The following STMN2 variants were observed in gnomAD, a reference collection of about 807,000 sequenced individuals.
STMN2 encodes the protein stathmin-2.
In STMN2, 2 loss-of-function variants were observed where a neutral mutation model predicts 24.1. The ratio of observed to expected loss-of-function variants is 0.08; its 90% CI spans 0.03 to 0.26. The LOEUF is 0.26. Ranked by LOEUF, STMN2 falls within the 10% of genes least tolerant of loss-of-function variation. STMN2 has a pLI of 1.00. For synonymous variants in STMN2, 83 were observed against 77.5 expected (o/e 1.07, Z -0.37); for missense variants, 114 against 213.6 (o/e 0.53, Z 2.91).
intron 3 of STMN2, among the ~76,000 whole-genome samples, chr8:79,651,642 A>C (rs961454409): frequency 2.0e-5 from 3 of 152,262 alleles, no homozygotes; most frequent in African/African-American, 7.2e-5. Flanking sequence ...ATAAACATTA[A>C]GTTAAAACAC....
chr8:79,630,759 A>G (rs1809779525), intron 1 of STMN2, among the ~76,000 whole-genome samples: 1 of 152,178 alleles, frequency 6.6e-6, no homozygotes, highest in Non-Finnish European at 1.5e-5. Context: ...GGAAGAGCAA[A>G]GTCATTCTTA....
chr8:79,659,455 AT>A (rs1385539993), intron 4 of STMN2, among the ~76,000 whole-genome samples: 1 of 152,152 alleles, frequency 6.6e-6, no homozygotes, highest in East Asian at 1.9e-4. Flanking sequence ...GATTCAAGAC[AT>A]TTTCTTCCTC....
intron 3 of STMN2, among the ~76,000 whole-genome samples, chr8:79,648,577 C>T (rs1353389868): frequency 2.7e-5 from 4 of 150,572 alleles, no homozygotes; most frequent in African/African-American, 9.7e-5. Context: ...ATTCTCCTGC[C>T]TCAGTCTCCC....
chr8:79,646,454 CA>C (rs34837489), intron 3 of STMN2, among the ~76,000 whole-genome samples: 23 of 149,080 alleles, frequency 1.5e-4, no homozygotes, highest in South Asian at 4.2e-4. Flanking sequence ...ATTGGATAGT[CA>C]AAAAAAAACC....
rs1299245911 is a variant in STMN2, at chr8:79,654,079, A to G, written c.289-792A>G. The stretch of plus-strand genomic sequence containing the variant: ...GGCCTCACCAAAGAACCTTGGAATC[A>G]GAATCTTTGGAGGTAGATGCCAGGC... On this transcript the variant is annotated intron_variant, in intron 3 of 4. Coordinates refer to ENST00000220876, the MANE Select transcript of STMN2 (RefSeq NM_007029.4). Among the ~76,000 whole-genome samples the G allele has an allele frequency of 3.3e-5, 5 of 152,184 alleles. 1 individual carries two copies. Among genetic ancestry groups the G allele is most frequent in the South Asian group, 4.1e-4 (2 of 4,826 alleles).
intron 2 of STMN2, among the ~76,000 whole-genome samples, chr8:79,637,995 T>A (rs2130351727): frequency 6.6e-6 from 1 of 152,376 alleles, no homozygotes; most frequent in South Asian, 2.1e-4. Context: ...AAAGGAATTC[T>A]GTCTCCAAAC....
intron 4 of STMN2, among the ~76,000 whole-genome samples, chr8:79,664,530 C>T (rs1401676052): frequency 6.6e-6 from 1 of 152,180 alleles, no homozygotes; most frequent in Non-Finnish European, 1.5e-5. Context: ...TATTACCTTT[C>T]TCTGGATTTA....
chr8:79,626,496 C>T (rs371235315), intron 1 of STMN2, among the ~76,000 whole-genome samples: 4 of 152,304 alleles, frequency 2.6e-5, no homozygotes, highest in East Asian at 3.9e-4. Flanking sequence ...AGTATTCTTG[C>T]ACTTCAAAAT....
chr8:79,621,288 G>C (rs1809509748), intron 1 of STMN2, among the ~76,000 whole-genome samples: 1 of 152,176 alleles, frequency 6.6e-6, no homozygotes, highest in Non-Finnish European at 1.5e-5. Context: ...AGTGATTAGT[G>C]TCTGTCAAGT....
intron 3 of STMN2, 84 bp downstream of exon 3, chr8:79,641,634 A>ACACACG: frequency 5.5e-6 from 2 of 363,678 alleles, no homozygotes; most frequent in Admixed American, 5.0e-5. Flanking sequence ...GCACGCACAC[A>ACACACG]CACACACACA....
At chr8:79,653,685 A>G (rs1810383280) in intron 3 of STMN2, among the ~76,000 whole-genome samples, 1 of 152,214 alleles carries the variant, frequency 6.6e-6, no homozygotes, top group African/African-American at 2.4e-5. Flanking sequence ...AATGCTTTCA[A>G]TGGTAATCAG....
intron 1 of STMN2, among the ~76,000 whole-genome samples, chr8:79,631,181 G>T (rs1809793765): frequency 6.6e-6 from 1 of 152,158 alleles, no homozygotes; most frequent in Non-Finnish European, 1.5e-5. Context: ...TTGATCACAA[G>T]GACTGATTCA....
At chr8:79,624,479 G>GAAAAAAAAGAAAAA (rs1411947488) in intron 1 of STMN2, among the ~76,000 whole-genome samples, 2 of 103,458 alleles carry the variant, frequency 1.9e-5, no homozygotes, top group African/African-American at 6.9e-5. Flanking sequence ...AAAAAAAAAA[G>GAAAAAAAAGAAAAA]AAAGAAAGAA....
intron 2 of STMN2, among the ~76,000 whole-genome samples, chr8:79,638,848 C>T (rs1346834892): frequency 1.3e-5 from 2 of 152,094 alleles, no homozygotes; most frequent in African/African-American, 4.8e-5. Context: ...GCATTTAAAA[C>T]CCCATCACCT....
Position 79,664,989 on chromosome 8 carries a change from T to C in STMN2, c.*115T>C. 1 of 590,342 alleles carries C rather than the reference T, an allele frequency of 1.7e-6. No homozygotes were observed. Among genetic ancestry groups the C allele is most frequent in the Middle Eastern group, 3.6e-4 (1 of 2,746 alleles). The allele number at this position is 590,342 out of a possible 1,614,324, so 36.6% of individuals were successfully genotyped here. On this transcript the variant is annotated 3_prime_UTR_variant, in exon 5 of 5. Coordinates refer to ENST00000220876, the MANE Select transcript of STMN2 (RefSeq NM_007029.4). The stretch of plus-strand genomic sequence containing the variant: ...GACATGGTTTAAAAAGAACTCATTA[T>C]AAAAAAAAAAAAACAAAAAAAATCA...
chr8:79,622,508 A>C (rs1809540604), intron 1 of STMN2, among the ~76,000 whole-genome samples: 1 of 152,226 alleles, frequency 6.6e-6, no homozygotes. Context: ...ATGAGACAGC[A>C]GCCAATATAG....
chr8:79,621,936 T>G (rs2130307049), intron 1 of STMN2, among the ~76,000 whole-genome samples: 1 of 152,296 alleles, frequency 6.6e-6, no homozygotes, highest in South Asian at 2.1e-4. Flanking sequence ...TAAAGCTGCC[T>G]TCAAAAGTTA....
At chr8:79,630,258 T>C (rs1423705161) in intron 1 of STMN2, among the ~76,000 whole-genome samples, 1 of 152,180 alleles carries the variant, frequency 6.6e-6, no homozygotes, top group Admixed American at 6.5e-5. Flanking sequence ...TAAAATAAAG[T>C]CATCTGAATT....
chr8:79,639,940 G>C (rs1053545048), intron 2 of STMN2, among the ~76,000 whole-genome samples: 3 of 152,180 alleles, frequency 2.0e-5, no homozygotes, highest in Non-Finnish European at 4.4e-5. Flanking sequence ...GGTGGCTCAC[G>C]CCTATAATCC....
Sources: allele counts gnomAD v4.1 joint callset (sites outside exome capture counted in the v4.1 genomes callset), GRCh38; gene constraint gnomAD v4.1.1; transcripts MANE v1.5; gene names NCBI Gene and HGNC (gene_info 2026-07-23, HGNC 2026-07-21).